KATNBL1: variants seen among roughly 807,000 people sequenced by gnomAD.
The protein encoded by KATNBL1 is KATNB1-like protein 1.
A neutral mutation model predicts 44.7 loss-of-function variants in KATNBL1; 28 were observed. The observed-to-expected ratio is 0.63, with a 90% CI of 0.46 to 0.86. The LOEUF (loss-of-function observed/expected upper bound fraction) is 0.86, where lower values mean the gene tolerates loss of function less well. Among genes scored for constraint, KATNBL1 ranks in the 40% least tolerant of loss-of-function variants. The pLI is 0.00. For synonymous variants in KATNBL1, 78 were observed against 114.9 expected, an observed-to-expected ratio of 0.68 and a Z score of 2.06; for missense variants, 272 against 350.7, an observed-to-expected ratio of 0.78 and a Z score of 1.79.
intron 1 of KATNBL1, among the ~76,000 whole-genome samples, chr15:34,196,728 A>T (rs1176140071): frequency 1.3e-5 from 2 of 152,228 alleles, no homozygotes; most frequent in African/African-American, 4.8e-5. Context: ...ACTCCGTCTC[A>T]AAAAGAAAGA....
chr15:34,148,806 AT>A (rs1031669820), intron 4 of KATNBL1, 56 bp from the exon 5 acceptor site: 6 of 970,458 alleles, frequency 6.2e-6, no homozygotes, highest in Admixed American at 1.9e-5. Context: ...GTATGAAACT[AT>A]TTTTTTATTA....
intron 2 of KATNBL1, among the ~76,000 whole-genome samples, chr15:34,161,740 A>G (rs1193204573): frequency 6.6e-6 from 1 of 152,130 alleles, no homozygotes; most frequent in Non-Finnish European, 1.5e-5. Flanking sequence ...AGCGGGAAGG[A>G]TGGTTACAGA....
chr15:34,200,496 C>G (rs2705110), intron 1 of KATNBL1, among the ~76,000 whole-genome samples: 1 of 151,684 alleles, frequency 6.6e-6, no homozygotes, highest in Admixed American at 6.6e-5. Flanking sequence ...CGCCTGACCT[C>G]TTGATCCACC....
chr15:34,192,278 C>T (rs953050621), intron 1 of KATNBL1, among the ~76,000 whole-genome samples: 9 of 151,944 alleles, frequency 5.9e-5, no homozygotes, highest in African/African-American at 2.2e-4. Flanking sequence ...GTGGCACGTG[C>T]CTGTAATCCC....
rs190390812 is a variant in KATNBL1 at position 34,142,066 on chromosome 15, T to C, written c.*273A>G. The C allele has an allele frequency of 7.4e-4, 211 of 283,796 alleles. No homozygotes were observed. Among genetic ancestry groups the C allele is most frequent in the East Asian group, 5.4e-3 (89 of 16,418 alleles). 17.6% of individuals were successfully genotyped at this position (283,796 alleles called of 1,614,324 possible). On this transcript the variant is annotated 3_prime_UTR_variant, in exon 10 of 10. Transcript: ENST00000256544. ...AGTTCTTAATGTTACCAAATAACCATATAACTCCCAAATGCAGCAAAGGTG... is the reference window on the plus strand; with the variant it reads ...AGTTCTTAATGTTACCAAATAACCACATAACTCCCAAATGCAGCAAAGGTG...
At chr15:34,193,880 A>AAAAAAAAAAC (rs1889960053) in intron 1 of KATNBL1, among the ~76,000 whole-genome samples, 2 of 142,794 alleles carry the variant, frequency 1.4e-5, no homozygotes, top group Non-Finnish European at 3.0e-5. Flanking sequence ...AAAAAAAAAA[A>AAAAAAAAAAC]TCACCAGCAA....
intron 7 of KATNBL1, 151 bp downstream of exon 7, chr15:34,147,049 C>T (rs1888330699): frequency 3.1e-6 from 2 of 642,994 alleles, no homozygotes; most frequent in South Asian, 2.0e-5. Context: ...GTCCTTTAGT[C>T]ATTTCATATT....
chr15:34,162,279 T>C (rs1888829634), intron 2 of KATNBL1, among the ~76,000 whole-genome samples: 1 of 152,184 alleles, frequency 6.6e-6, no homozygotes. Context: ...AATACTGTTT[T>C]TGTGGTAGTG....
chr15:34,184,672 A>G (rs979973804), intron 1 of KATNBL1, among the ~76,000 whole-genome samples: 1 of 139,122 alleles, frequency 7.2e-6, no homozygotes, highest in African/African-American at 2.7e-5. Context: ...TCCTGGGTTC[A>G]CGCCATTCTC....
chr15:34,204,790 C>T (rs1890250697), intron 1 of KATNBL1, among the ~76,000 whole-genome samples: 1 of 151,998 alleles, frequency 6.6e-6, no homozygotes, highest in Non-Finnish European at 1.5e-5. Flanking sequence ...TTATTGAGTA[C>T]AGGCCACTGT....
rs763448635 is a variant in KATNBL1, at chr15:34,163,551, T to C, written c.117+9A>G. 3 of 1,590,284 alleles carry C rather than the reference T, an allele frequency of 1.9e-6. No individual in the cohort carries two copies. The highest frequency in any genetic ancestry group is 2.3e-5 in the South Asian group (2 of 85,842). ...TGTCTTATCTGTTTTCTAGAAACCA[T>C]AGACTTACCTCCTTCATGTTCTTAT... is the stretch of plus-strand genomic sequence containing the variant. On this transcript the variant is annotated intron_variant, in intron 2 of 9. Transcript: ENST00000256544.
chr15:34,155,876 A>G (rs1597431334), intron 2 of KATNBL1, among the ~76,000 whole-genome samples: 1 of 152,230 alleles, frequency 6.6e-6, no homozygotes, highest in East Asian at 1.9e-4. Context: ...ATTTGATCTC[A>G]GGTCTTAAAT....
At chr15:34,202,789 G>A (rs140261195) in intron 1 of KATNBL1, among the ~76,000 whole-genome samples, 2 of 152,100 alleles carry the variant, frequency 1.3e-5, no homozygotes, top group Admixed American at 6.6e-5. Context: ...TCCGGAGTTC[G>A]AGACCAGCCT....
At chr15:34,161,596 C>G (rs1407342001) in intron 2 of KATNBL1, among the ~76,000 whole-genome samples, 1 of 152,184 alleles carries the variant, frequency 6.6e-6, no homozygotes, top group African/African-American at 2.4e-5. Flanking sequence ...GAGTTCTTAT[C>G]CCTAACGCAG....
chr15:34,204,403 G>T (rs972302644), intron 1 of KATNBL1, among the ~76,000 whole-genome samples: 40 of 152,150 alleles, frequency 2.6e-4, no homozygotes, highest in Admixed American at 2.5e-3. Flanking sequence ...TTGTCCCTCA[G>T]TATCTGAGTA....
At chr15:34,153,440 T>C (rs1344880238) in intron 3 of KATNBL1, among the ~76,000 whole-genome samples, 1 of 152,234 alleles carries the variant, frequency 6.6e-6, no homozygotes, top group Admixed American at 6.5e-5. Flanking sequence ...TATTTTAAAA[T>C]TTAATTAAGC....
intron 2 of KATNBL1, among the ~76,000 whole-genome samples, chr15:34,157,398 A>G (rs1481159967): frequency 2.0e-4 from 30 of 152,096 alleles, no homozygotes; most frequent in Admixed American, 1.5e-3. Flanking sequence ...GTCCTTCCTA[A>G]GCTGGTTCAA....
intron 1 of KATNBL1, among the ~76,000 whole-genome samples, chr15:34,174,188 T>A (rs1410593010): frequency 6.6e-6 from 1 of 151,980 alleles, no homozygotes; most frequent in Non-Finnish European, 1.5e-5. Context: ...GTGGTGGAGG[T>A]TAAAGGGACA....
chr15:34,145,344 A>G, intron 9 of KATNBL1, 54 bp downstream of exon 9: 2 of 1,329,344 alleles, frequency 1.5e-6, no homozygotes, highest in Non-Finnish European at 2.0e-6. Context: ...TTATAAATGT[A>G]AAATATTATT....
Sources: allele counts gnomAD v4.1 joint callset (sites outside exome capture counted in the v4.1 genomes callset), GRCh38; gene constraint gnomAD v4.1.1; transcripts MANE v1.5; gene names NCBI Gene and HGNC (gene_info 2026-07-23, HGNC 2026-07-21).